The following SAMD12 variants were observed in gnomAD, a reference collection of about 807,000 sequenced individuals.
SAMD12 encodes the protein sterile alpha motif domain-containing protein 12.
Under a neutral mutation model 15.0 loss-of-function variants are expected in SAMD12, and 9 were observed. That is an observed-to-expected ratio of 0.60 (90% CI 0.36 to 1.05). The LOEUF is 1.05. Ranked by LOEUF, SAMD12 falls within the 50% of genes least tolerant of loss-of-function variation. The pLI is 0.01. For missense variants in SAMD12, 230 were observed against 234.2 expected (o/e 0.98, Z 0.12); for synonymous variants, 86 against 90.1 (o/e 0.96, Z 0.25).
intron 2 of SAMD12, among the ~76,000 whole-genome samples, chr8:118,540,756 A>G (rs910932754): frequency 6.6e-6 from 1 of 152,156 alleles, no homozygotes; most frequent in African/African-American, 2.4e-5. Flanking sequence ...TTTTATCTCA[A>G]GCTGGAATAT....
At position 118,556,411 on chromosome 8, in the gene SAMD12, C is replaced by A. The variant is rs77288737; in HGVS notation, c.192+24304G>T. On this transcript the variant is annotated intron_variant, in intron 2 of 3. Transcript: ENST00000314727. ...ACTCATGAGACAGAACTGGTCAGGA[C>A]CCTTTTGTATATATCACTTATGAAT... Among the ~76,000 whole-genome samples the A allele has an allele frequency of 5.9e-3, 900 of 152,182 alleles. 2 individuals are homozygous for A. The highest frequency in any genetic ancestry group is 0.02 in the African/African-American group (838 of 41,516).
the SAMD12 span, among the ~76,000 whole-genome samples, chr8:118,174,781 A>G: frequency 5.3e-5 from 8 of 152,296 alleles, 1 homozygote; most frequent in South Asian, 1.7e-3. Context: ...GCATTTTCTC[A>G]TCACCCAAAT....
chr8:118,376,086 G>T (rs1236299406), downstream of SAMD12, among the ~76,000 whole-genome samples: 1 of 152,042 alleles, frequency 6.6e-6, no homozygotes, highest in Non-Finnish European at 1.5e-5. Flanking sequence ...TTCCCCTCAA[G>T]ATGGACAGTT....
At chr8:118,554,409 C>T (rs1170557276) in intron 2 of SAMD12, among the ~76,000 whole-genome samples, 3 of 151,916 alleles carry the variant, frequency 2.0e-5, no homozygotes, top group Non-Finnish European at 4.4e-5. Flanking sequence ...TGGAAATCAT[C>T]ATTCTCAGTA....
intron 2 of SAMD12, among the ~76,000 whole-genome samples, chr8:118,480,240 TG>T (rs749194998): frequency 6.6e-6 from 1 of 152,212 alleles, no homozygotes; most frequent in Non-Finnish European, 1.5e-5. Context: ...GACCACAGTA[TG>T]GTGAGCAAAT....
intron 2 of SAMD12, among the ~76,000 whole-genome samples, chr8:118,568,553 A>C (rs1826914152): frequency 6.6e-6 from 1 of 152,234 alleles, no homozygotes; most frequent in Non-Finnish European, 1.5e-5. Flanking sequence ...TATTGTGAAA[A>C]CATTGCTTAA....
intron 4 of SAMD12, among the ~76,000 whole-genome samples, chr8:118,352,957 AT>A (rs1271499290): frequency 2.0e-5 from 3 of 152,196 alleles, no homozygotes; most frequent in African/African-American, 7.2e-5. Flanking sequence ...GATCATAAAA[AT>A]AATTATGTTG....
At chr8:118,472,769 G>A (rs1823837907) in intron 2 of SAMD12, among the ~76,000 whole-genome samples, 1 of 127,682 alleles carries the variant, frequency 7.8e-6, no homozygotes, top group African/African-American at 2.5e-5. Context: ...GAAGAAAGTG[G>A]CTGGTTACAG....
chr8:118,309,380 A>ATG (rs35576833), intron 4 of SAMD12, among the ~76,000 whole-genome samples: 3,485 of 143,924 alleles, frequency 0.024, 42 homozygotes, highest in African/African-American at 0.033. Context: ...TGAGATATAT[A>ATG]TGTGTGTGTG....
chr8:118,404,120 C>G (rs574421654), intron 3 of SAMD12, among the ~76,000 whole-genome samples: 1 of 152,142 alleles, frequency 6.6e-6, no homozygotes, highest in South Asian at 2.1e-4. Flanking sequence ...GTAGCTGGGA[C>G]TATGGGCATG....
intron 3 of SAMD12, among the ~76,000 whole-genome samples, chr8:118,394,273 CT>C (rs1325033496): frequency 3.9e-5 from 6 of 152,182 alleles, no homozygotes; most frequent in Non-Finnish European, 5.9e-5. Context: ...CATGCTCAGC[CT>C]TCAAATATCT....
At chr8:118,171,294 A>G in the SAMD12 span, among the ~76,000 whole-genome samples, 1 of 152,220 alleles carries the variant, frequency 6.6e-6, no homozygotes, top group Admixed American at 6.5e-5. Context: ...GCATATAGTT[A>G]TCATGTGACC....
chr8:118,454,856 A>C (rs1434369792), intron 2 of SAMD12, among the ~76,000 whole-genome samples: 1 of 151,712 alleles, frequency 6.6e-6, no homozygotes. Flanking sequence ...GAGTTTGCCT[A>C]CTCTATCCTC....
intron 4 of SAMD12, among the ~76,000 whole-genome samples, chr8:118,266,143 T>A (rs1813193902): frequency 6.6e-6 from 1 of 152,090 alleles, no homozygotes; most frequent in African/African-American, 2.4e-5. Context: ...TATAAAGCCA[T>A]CAGATCTTGT....
intron 1 of SAMD12, among the ~76,000 whole-genome samples, chr8:118,609,380 T>TCAATGTAGTACAATCTC (rs1426329310): frequency 1.3e-5 from 2 of 152,218 alleles, no homozygotes; most frequent in Non-Finnish European, 1.5e-5. Flanking sequence ...CTATCATCTG[T>TCAATGTAGTACAATCTC]AGTCAAATGT....
At chr8:118,398,872 GT>G (rs149842555) in intron 3 of SAMD12, among the ~76,000 whole-genome samples, 5 of 151,688 alleles carry the variant, frequency 3.3e-5, no homozygotes, top group Admixed American at 1.3e-4. Context: ...CCATAAAGCT[GT>G]TTTTTTTGTG....
chr8:118,355,937 C>T (rs763336138), intron 4 of SAMD12, among the ~76,000 whole-genome samples: 3 of 152,126 alleles, frequency 2.0e-5, no homozygotes, highest in Non-Finnish European at 4.4e-5. Flanking sequence ...CTAAATGATC[C>T]CCTCTCTTAT....
chr8:118,514,388 C>G (rs1299564980), intron 2 of SAMD12, among the ~76,000 whole-genome samples: 1 of 152,194 alleles, frequency 6.6e-6, no homozygotes, highest in African/African-American at 2.4e-5. Flanking sequence ...CAAAAGGGGT[C>G]CCACAGGCCT....
chr8:118,228,985 C>T (rs1383133836), intron 4 of SAMD12, among the ~76,000 whole-genome samples: 2 of 152,076 alleles, frequency 1.3e-5, no homozygotes, highest in African/African-American at 2.4e-5. Context: ...ACAGCATTTG[C>T]GGTGACCTGA....
Sources: allele counts gnomAD v4.1 joint callset (sites outside exome capture counted in the v4.1 genomes callset), GRCh38; gene constraint gnomAD v4.1.1; transcripts MANE v1.5; gene names NCBI Gene and HGNC (gene_info 2026-07-23, HGNC 2026-07-21).